LRRC37A2: variants seen among roughly 807,000 people sequenced by gnomAD.
LRRC37A2 encodes the protein leucine rich repeat containing 37 member A2, also known as leucine-rich repeat-containing protein 37A2.
A neutral mutation model predicts 68.8 loss-of-function variants in LRRC37A2; 9 were observed. The observed-to-expected ratio is 0.13, with a 90% confidence interval of 0.08 to 0.23. The LOEUF (loss-of-function observed/expected upper bound fraction) is 0.23. Ranked by LOEUF, LRRC37A2 falls within the 10% of genes least tolerant of loss-of-function variation. LRRC37A2 has a pLI of 1.00. For missense variants in LRRC37A2, 168 were observed against 950.4 expected (o/e 0.18, Z 10.82); for synonymous variants, 63 against 367.6 (o/e 0.17, Z 9.48).
At chr17:46,935,288 A>G in the LRRC37A2 span, 1 of 1,583,112 alleles carries the variant, frequency 6.3e-7, no homozygotes, top group Middle Eastern at 1.7e-4. Flanking sequence ...TGATGACAAG[A>G]CAGAGCCCTT....
the LRRC37A2 span, among the ~76,000 whole-genome samples, chr17:47,012,768 A>G: frequency 6.6e-6 from 1 of 152,228 alleles, no homozygotes; most frequent in African/African-American, 2.4e-5. Flanking sequence ...ACCTTCATAT[A>G]CTGTTGATGG....
the LRRC37A2 span, among the ~76,000 whole-genome samples, chr17:47,001,717 CTTTTTTTTTTTTTTT>C: frequency 0.027 from 2,961 of 108,694 alleles, 135 homozygotes; most frequent in African/African-American, 0.089. Flanking sequence ...CTCTTTTTTC[CTTTTTTTTTTTTTTT>C]TTTTTTTTGA....
chr17:46,978,970 T>A, the LRRC37A2 span: 2 of 1,449,314 alleles, frequency 1.4e-6, no homozygotes, highest in Non-Finnish European at 1.8e-6. Context: ...GCCGTCCACC[T>A]CCTCCAAGCC....
At chr17:46,849,892 G>A in the LRRC37A2 span, among the ~76,000 whole-genome samples, 2 of 146,816 alleles carry the variant, frequency 1.4e-5, no homozygotes, top group Non-Finnish European at 3.0e-5. Flanking sequence ...CTATTGCCCA[G>A]GCCAGAGTGC....
the LRRC37A2 span, chr17:46,938,463 C>T: frequency 1.5e-6 from 2 of 1,349,952 alleles, no homozygotes; most frequent in Non-Finnish European, 2.1e-6. Context: ...CTATTTCTGG[C>T]TGATATTGCT....
At chr17:46,991,462 A>G in the LRRC37A2 span, among the ~76,000 whole-genome samples, 3 of 151,808 alleles carry the variant, frequency 2.0e-5, no homozygotes, top group African/African-American at 7.3e-5. Context: ...CCCCATCTCT[A>G]TCAAAAATAC....
the LRRC37A2 span, among the ~76,000 whole-genome samples, chr17:46,952,249 G>T: frequency 1.3e-5 from 2 of 152,194 alleles, no homozygotes; most frequent in Non-Finnish European, 2.9e-5. Context: ...AGCGAGGGCT[G>T]CCTCCTCCAG....
the LRRC37A2 span, among the ~76,000 whole-genome samples, chr17:46,758,403 T>C: frequency 6.6e-6 from 1 of 152,174 alleles, no homozygotes; most frequent in Non-Finnish European, 1.5e-5. Context: ...CAAATATTCT[T>C]CAAAGCCAGT....
chr17:46,907,686 A>AC, the LRRC37A2 span, among the ~76,000 whole-genome samples: 1 of 140,474 alleles, frequency 7.1e-6, no homozygotes, highest in Admixed American at 7.5e-5. Context: ...AAAAAAAAAA[A>AC]AACAAAAAAC....
the LRRC37A2 span, chr17:46,755,887 CT>C: frequency 6.7e-7 from 1 of 1,496,856 alleles, no homozygotes; most frequent in Non-Finnish European, 9.2e-7. Context: ...GGCCTAGGAT[CT>C]TCACTGTCTT....
At chr17:46,952,645 TGAA>T in the LRRC37A2 span, 1 of 152,112 alleles carries the variant, frequency 6.6e-6, no homozygotes. Flanking sequence ...CATCTTAACC[TGAA>T]GGCTTTTATT....
chr17:46,914,519 T>C, the LRRC37A2 span, among the ~76,000 whole-genome samples: 10 of 151,060 alleles, frequency 6.6e-5, no homozygotes, highest in Admixed American at 1.3e-4. Context: ...GGCGTAGTGG[T>C]GCATGCCTGT....
chr17:46,780,866 A>T, the LRRC37A2 span, among the ~76,000 whole-genome samples: 1 of 152,196 alleles, frequency 6.6e-6, no homozygotes, highest in South Asian at 2.1e-4. Flanking sequence ...AAAGGTAGAG[A>T]CAACCCAAGA....
At chr17:46,907,672 T>C in the LRRC37A2 span, among the ~76,000 whole-genome samples, 2 of 57,936 alleles carry the variant, frequency 3.5e-5, no homozygotes, top group Non-Finnish European at 6.7e-5. Flanking sequence ...CCTCCATCTC[T>C]ACAAAAAAAA....
the LRRC37A2 span, among the ~76,000 whole-genome samples, chr17:46,863,903 T>C: frequency 6.6e-6 from 1 of 152,148 alleles, no homozygotes; most frequent in Non-Finnish European, 1.5e-5. Context: ...GGATCCTTGA[T>C]CAGGCAGGGA....
At chr17:46,955,781 T>G in the LRRC37A2 span, 2 of 152,248 alleles carry the variant, frequency 1.3e-5, no homozygotes, top group Non-Finnish European at 2.9e-5. Context: ...TCAGCAGTAC[T>G]TGGGTTCCAT....
chr17:46,870,967 G>C, the LRRC37A2 span, among the ~76,000 whole-genome samples: 1 of 140,472 alleles, frequency 7.1e-6, no homozygotes, highest in African/African-American at 2.7e-5. Context: ...CTGGAGTGCA[G>C]TGATGCGATC....
At chr17:46,736,340 C>T in the LRRC37A2 span, among the ~76,000 whole-genome samples, 1 of 152,184 alleles carries the variant, frequency 6.6e-6, no homozygotes, top group South Asian at 2.1e-4. Flanking sequence ...TTGCTTGTGG[C>T]TGAAGTTCCC....
the LRRC37A2 span, among the ~76,000 whole-genome samples, chr17:46,910,754 A>C: frequency 6.6e-6 from 1 of 152,198 alleles, no homozygotes; most frequent in East Asian, 1.9e-4. Context: ...AGCGGGGACA[A>C]ATCACTTCAG....
Sources: allele counts gnomAD v4.1 joint callset (sites outside exome capture counted in the v4.1 genomes callset), GRCh38; gene constraint gnomAD v4.1.1; transcripts MANE v1.5; gene names NCBI Gene and HGNC (gene_info 2026-07-23, HGNC 2026-07-21).